Variants in PLEKHA7 observed in about 807,000 individuals in gnomAD.
PLEKHA7 encodes pleckstrin homology domain containing A7, also known as pleckstrin homology domain-containing family A member 7.
Under a neutral mutation model 170.0 loss-of-function variants are expected in PLEKHA7, and 104 were observed. That is an observed-to-expected ratio of 0.61 (90% CI 0.52 to 0.72). PLEKHA7 has a LOEUF of 0.72. Ranked by LOEUF, PLEKHA7 falls within the 30% of genes least tolerant of loss-of-function variation. PLEKHA7 has a pLI of 0.00. For synonymous variants in PLEKHA7, 648 were observed against 660.8 expected, an observed-to-expected ratio of 0.98 and a Z score of 0.30; for missense variants, 1,615 against 1,671.7, an observed-to-expected ratio of 0.97 and a Z score of 0.59.
At chr11:16,869,844 G>T (rs576641755) in intron 4 of PLEKHA7, among the ~76,000 whole-genome samples, 16 of 152,288 alleles carry the variant, frequency 1.1e-4, no homozygotes, top group African/African-American at 3.4e-4. Flanking sequence ...TATAAATACT[G>T]AGAGTTTATT....
At position 16,876,115 on chromosome 11, in the gene PLEKHA7, G is replaced by A. The variant is rs117618871; in HGVS notation, c.222-4933C>T. On this transcript the variant is annotated intron_variant, in intron 3 of 26. Transcript: ENST00000531066. The stretch of plus-strand genomic sequence containing the variant: ...TTTACTCGCTGTCCCTGGCTCCCCC[G>A]CCACAAAAGCCCTCAGTCAGCTCCA... 5.2e-3 allele frequency among the ~76,000 whole-genome samples: 789 copies of A among 152,136 alleles called. 18 individuals are homozygous for A. Among genetic ancestry groups the A allele is most frequent in the East Asian group, 0.019 (96 of 5,172 alleles).
rs150963600 is a variant in PLEKHA7, at chr11:16,869,167, A to G, written c.305+1932T>C. ...CTTTTTACACAGCAGTTCTTTATCA[A>G]TCTAGGAGACAAGACAATCTTTACC... On this transcript the variant is annotated intron_variant, in intron 4 of 26. Transcript: ENST00000531066. Among the ~76,000 whole-genome samples, 279 of 152,324 alleles carry G rather than the reference A, an allele frequency of 1.8e-3. 3 individuals carry two copies. Among genetic ancestry groups the G allele is most frequent in the Non-Finnish European group, 1.1e-3 (77 of 68,020 alleles).
chr11:16,892,115 A>C (rs1856658393), intron 3 of PLEKHA7, among the ~76,000 whole-genome samples: 1 of 152,194 alleles, frequency 6.6e-6, no homozygotes, highest in African/African-American at 2.4e-5. Context: ...GGATGTTGGT[A>C]ATGGAAGAAT....
chr11:16,974,170 G>T (rs1862903244), intron 3 of PLEKHA7, among the ~76,000 whole-genome samples: 1 of 151,876 alleles, frequency 6.6e-6, no homozygotes, highest in South Asian at 2.1e-4. Flanking sequence ...AGATTCTCAG[G>T]TGGGAGGATT....
chr11:16,842,073 G>A (rs1251214722), intron 8 of PLEKHA7, among the ~76,000 whole-genome samples: 1 of 152,144 alleles, frequency 6.6e-6, no homozygotes, highest in Non-Finnish European at 1.5e-5. Flanking sequence ...TCCCTGTTTT[G>A]GTTTTGCTGA....
chr11:16,827,028 C>T (rs1363805663), intron 9 of PLEKHA7, among the ~76,000 whole-genome samples: 1 of 152,202 alleles, frequency 6.6e-6, no homozygotes, highest in Admixed American at 6.5e-5. Flanking sequence ...ATACATGTGA[C>T]ATTCCCATGA....
intron 3 of PLEKHA7, among the ~76,000 whole-genome samples, chr11:16,873,032 AT>A (rs1854991052): frequency 6.6e-6 from 1 of 152,054 alleles, no homozygotes; most frequent in Admixed American, 6.6e-5. Flanking sequence ...TCCAATTCAA[AT>A]TTTTCCTTGG....
intron 3 of PLEKHA7, among the ~76,000 whole-genome samples, chr11:16,885,746 C>A (rs1160651779): frequency 6.6e-6 from 1 of 151,920 alleles, no homozygotes; most frequent in Non-Finnish European, 1.5e-5. Flanking sequence ...GTAATCCCAG[C>A]ACTTTGGGAG....
rs376882438 is a variant in PLEKHA7 at position 17,000,084 on chromosome 11, CTTTG to C, written c.221+13901_221+13904del. Among the ~76,000 whole-genome samples the C allele has an allele frequency of 4.7e-3, 710 of 152,110 alleles. 10 individuals carry two copies. Among genetic ancestry groups the C allele is most frequent in the African/African-American group, 0.016 (656 of 41,512 alleles). The stretch of plus-strand genomic sequence containing the variant: ...TCAATGGTAAGTACAAGAAACCTGT[CTTTG>C]TTTTTGTTTTTTTGAGACAGAGTCT... On this transcript the variant is annotated intron_variant, in intron 3 of 26. Coordinates refer to ENST00000531066, the MANE Select transcript of PLEKHA7 (RefSeq NM_001329630.2).
intron 13 of PLEKHA7, 57 bp downstream of exon 13, chr11:16,813,056 G>T: frequency 6.6e-7 from 1 of 1,509,198 alleles, no homozygotes; most frequent in South Asian, 1.1e-5. Context: ...CTCCAGTGAG[G>T]TGACACTCTC....
chr11:16,995,827 C>T (rs144232362), intron 3 of PLEKHA7, among the ~76,000 whole-genome samples: 54 of 152,238 alleles, frequency 3.5e-4, no homozygotes, highest in African/African-American at 1.3e-3. Context: ...CTATAACAGC[C>T]AAGGTCGTAA....
At chr11:16,930,107 C>A (rs1590647672) in intron 3 of PLEKHA7, among the ~76,000 whole-genome samples, 1 of 152,202 alleles carries the variant, frequency 6.6e-6, no homozygotes, top group Non-Finnish European at 1.5e-5. Flanking sequence ...TGTTAAACTA[C>A]AATTTGCTTC....
chr11:16,874,973 A>G (rs1207298569), intron 3 of PLEKHA7, among the ~76,000 whole-genome samples: 2 of 152,244 alleles, frequency 1.3e-5, no homozygotes, highest in African/African-American at 2.4e-5. Flanking sequence ...CCAGGGTTCT[A>G]AGTAAATGAA....
At chr11:16,911,817 A>G (rs761914854) in intron 3 of PLEKHA7, among the ~76,000 whole-genome samples, 4 of 152,126 alleles carry the variant, frequency 2.6e-5, no homozygotes, top group Non-Finnish European at 5.9e-5. Flanking sequence ...CTCTGTGCTG[A>G]TGAATCAAAT....
chr11:16,922,521 G>GTA (rs1859171554), intron 3 of PLEKHA7, among the ~76,000 whole-genome samples: 2 of 152,194 alleles, frequency 1.3e-5, no homozygotes, highest in Non-Finnish European at 2.9e-5. Context: ...GGTACTCACA[G>GTA]GGTATAGGCC....
intron 9 of PLEKHA7, among the ~76,000 whole-genome samples, chr11:16,827,324 G>A (rs899837460): frequency 1.2e-4 from 19 of 152,218 alleles, no homozygotes; most frequent in African/African-American, 1.9e-4. Flanking sequence ...ACAATTCTGT[G>A]AAGTATTATT....
chr11:16,878,018 A>G (rs1265229133), intron 3 of PLEKHA7, among the ~76,000 whole-genome samples: 1 of 152,234 alleles, frequency 6.6e-6, no homozygotes, highest in Non-Finnish European at 1.5e-5. Context: ...GGGCAAGAAT[A>G]GAATGAGCCT....
intron 3 of PLEKHA7, 97 bp downstream of exon 3, chr11:17,013,892 C>T: frequency 7.6e-7 from 1 of 1,319,614 alleles, no homozygotes; most frequent in Non-Finnish European, 9.8e-7. Context: ...CGAGCCCGGG[C>T]CGGCGGGAGC....
At chr11:16,984,656 T>C (rs750342628) in intron 3 of PLEKHA7, among the ~76,000 whole-genome samples, 32 of 152,202 alleles carry the variant, frequency 2.1e-4, no homozygotes, top group Non-Finnish European at 4.4e-4. Flanking sequence ...TTTTTCTCCA[T>C]AGCACTTACC....
Sources: allele counts gnomAD v4.1 joint callset (sites outside exome capture counted in the v4.1 genomes callset), GRCh38; gene constraint gnomAD v4.1.1; transcripts MANE v1.5; gene names NCBI Gene and HGNC (gene_info 2026-07-23, HGNC 2026-07-21).